Variants in IFT88 observed in about 807,000 individuals in gnomAD.
IFT88 encodes intraflagellar transport 88.
In IFT88, 74 loss-of-function variants were observed where a neutral mutation model predicts 119.5. The observed-to-expected ratio is 0.62, with a 90% CI of 0.51 to 0.75. The LOEUF (loss-of-function observed/expected upper bound fraction) is 0.75, where lower values mean the gene tolerates loss of function less well. IFT88 is among the 30% of genes least tolerant of loss of function. The pLI, the probability that IFT88 is intolerant of heterozygous loss-of-function variation, is 0.00. For missense variants in IFT88, 961 were observed against 977.7 expected (o/e 0.98, Z 0.23); for synonymous variants, 279 against 316.7 (o/e 0.88, Z 1.26).
intron 3 of IFT88, among the ~76,000 whole-genome samples, chr13:20,583,744 AT>A: frequency 6.6e-6 from 1 of 152,248 alleles, no homozygotes; most frequent in Admixed American, 6.5e-5. Context: ...TTCTTCTAGC[AT>A]TTTTTGTAGT....
At chr13:20,687,721 TAAAAAAAG>T (rs1410360602) in intron 24 of IFT88, among the ~76,000 whole-genome samples, 3 of 150,070 alleles carry the variant, frequency 2.0e-5, no homozygotes, top group Non-Finnish European at 4.4e-5. Context: ...TGTTGCGTGT[TAAAAAAAG>T]AAAAAAAAGA....
intron 2 of IFT88, among the ~76,000 whole-genome samples, chr13:20,576,230 C>A (rs1020559389): frequency 5.3e-5 from 8 of 151,768 alleles, no homozygotes; most frequent in African/African-American, 1.9e-4. Context: ...AGATTTTTTC[C>A]TACAGAGTTG....
intron 3 of IFT88, among the ~76,000 whole-genome samples, chr13:20,585,840 C>G (rs2039567659): frequency 6.6e-6 from 1 of 152,146 alleles, no homozygotes; most frequent in Non-Finnish European, 1.5e-5. Flanking sequence ...TTTTACAACC[C>G]ATATTTTAAT....
intron 14 of IFT88, among the ~76,000 whole-genome samples, chr13:20,618,376 C>T (rs1301081360): frequency 6.6e-6 from 1 of 152,164 alleles, no homozygotes; most frequent in African/African-American, 2.4e-5. Flanking sequence ...TGTGTCAAGC[C>T]TCCCCAAGTG....
chr13:20,655,981 G>T (rs192723654), intron 21 of IFT88, among the ~76,000 whole-genome samples: 6 of 151,796 alleles, frequency 4.0e-5, no homozygotes, highest in African/African-American at 7.2e-5. Flanking sequence ...AGCAATGTGC[G>T]TCTATAGTCC....
Position 20,691,274 on chromosome 13 carries a change from C to T in IFT88, c.*99C>T. 8.7e-7 allele frequency: 1 copy of T among 1,154,770 alleles called. No individual in the cohort carries two copies. Among genetic ancestry groups the T allele is most frequent in the African/African-American group, 1.6e-5 (1 of 63,836 alleles). 71.5% of individuals were successfully genotyped at this position (1,154,770 alleles called of 1,614,324 possible). On this transcript the variant is annotated 3_prime_UTR_variant, in exon 26 of 26. Transcript: ENST00000351808. ...TATCTAACCTGTAATTATTTTTTTT[C>T]ACTGTCAAAACTTAAGTAAGTGTAT...
intron 13 of IFT88, among the ~76,000 whole-genome samples, chr13:20,611,500 GCATGA>G (rs146923066): frequency 0.019 from 2,030 of 104,588 alleles, 28 homozygotes; most frequent in Middle Eastern, 0.048. Context: ...GGGAGACAGA[GCATGA>G]CCCAGTCTCA....
chr13:20,581,014 C>T (rs191232823), intron 2 of IFT88, among the ~76,000 whole-genome samples: 35 of 152,182 alleles, frequency 2.3e-4, no homozygotes, highest in Admixed American at 2.6e-4. Flanking sequence ...CATGAGCCAC[C>T]GCCCCGGCCT....
chr13:20,637,916 A>G (rs1354622174), intron 16 of IFT88, among the ~76,000 whole-genome samples: 1 of 152,168 alleles, frequency 6.6e-6, no homozygotes, highest in African/African-American at 2.4e-5. Context: ...TGGAGACGGA[A>G]AAAAACAATG....
chr13:20,586,384 G>A (rs1350812247), intron 3 of IFT88, among the ~76,000 whole-genome samples: 1 of 152,120 alleles, frequency 6.6e-6, no homozygotes, highest in East Asian at 1.9e-4. Context: ...GATATTACAA[G>A]GCATGAAGTA....
At chr13:20,674,608 A>G (rs1481651891) in intron 24 of IFT88, among the ~76,000 whole-genome samples, 1 of 151,642 alleles carries the variant, frequency 6.6e-6, no homozygotes, top group Non-Finnish European at 1.5e-5. Flanking sequence ...TTTTATAATG[A>G]AAATCAGGAT....
At chr13:20,656,330 A>ATTT (rs1451836690) in intron 21 of IFT88, 35 bp from the exon 22 acceptor site, 1 of 929,122 alleles carries the variant, frequency 1.1e-6, no homozygotes, top group Non-Finnish European at 1.6e-6. Flanking sequence ...AGTTTCTATA[A>ATTT]TTTGCTAATA....
At chr13:20,572,329 G>A (rs768965306) in intron 1 of IFT88, among the ~76,000 whole-genome samples, 5 of 151,602 alleles carry the variant, frequency 3.3e-5, no homozygotes, top group Admixed American at 1.3e-4. Context: ...AGCGATTCTC[G>A]TGCCTCAGCC....
chr13:20,687,049 ACC>A (rs1327290210), intron 24 of IFT88, among the ~76,000 whole-genome samples: 2 of 140,812 alleles, frequency 1.4e-5, no homozygotes, highest in African/African-American at 5.3e-5. Flanking sequence ...AAAAAAAAAA[ACC>A]TCATATTTAA....
chr13:20,674,066 C>A (rs1408178179), intron 24 of IFT88, among the ~76,000 whole-genome samples: 1 of 152,158 alleles, frequency 6.6e-6, no homozygotes, highest in Non-Finnish European at 1.5e-5. Context: ...ATGCTGCTTT[C>A]TGTGGCTGAG....
chr13:20,593,421 C>A (rs1339453009), intron 7 of IFT88, among the ~76,000 whole-genome samples: 2 of 151,838 alleles, frequency 1.3e-5, no homozygotes, highest in Non-Finnish European at 2.9e-5. Context: ...AGATTCAAAC[C>A]CAGTTTTTCT....
Position 20,690,763 on chromosome 13 carries a change from A to T in IFT88, c.2301A>T (p.Arg767Ser). ...GTGAACGACTAAGTGCCAGACTCAG[A>T]GCTTTACCTGGGACAAATGAACCTT... ...SKGERLSARL[R>S]ALPGTNEPYE... The change falls in exon 25 of 26, where the codon AGA becomes AGT. Residue 767 changes from arginine to serine, a missense_variant. By Grantham distance (110) the Arg-to-Ser change is moderately radical. Transcript: ENST00000351808. The T allele has an allele frequency of 6.2e-7, 1 of 1,613,982 alleles. No homozygotes were observed. The highest frequency in any genetic ancestry group is 8.5e-7 in the Non-Finnish European group (1 of 1,179,848).
intron 23 of IFT88, among the ~76,000 whole-genome samples, chr13:20,669,209 G>C (rs995561167): frequency 2.0e-5 from 3 of 152,174 alleles, no homozygotes; most frequent in African/African-American, 7.2e-5. Flanking sequence ...TTTAAAAAGA[G>C]AAGAGTGATG....
At chr13:20,613,307 A>G (rs540561471) in intron 13 of IFT88, among the ~76,000 whole-genome samples, 10 of 152,348 alleles carry the variant, frequency 6.6e-5, no homozygotes, top group African/African-American at 2.4e-4. Context: ...CAAAATAGAT[A>G]CACAGATGCC....
Sources: gnomAD v4.1 joint callset for allele counts (sites outside exome capture counted in the v4.1 genomes callset) on GRCh38, gnomAD v4.1.1 for gene constraint, MANE v1.5 for transcripts, NCBI Gene and HGNC (gene_info 2026-07-23, HGNC 2026-07-21) for gene names.